Variants in CPS1 observed in about 807,000 individuals in gnomAD.
CPS1 encodes carbamoyl-phosphate synthase 1.
CPS1 carries 109 observed loss-of-function variants against 174.6 expected under a neutral mutation model. The observed-to-expected ratio is 0.62, with a 90% confidence interval of 0.53 to 0.73. CPS1 has a LOEUF of 0.73. CPS1 is among the 30% of genes least tolerant of loss of function. The probability of loss-of-function intolerance (pLI) is 0.00; values close to 1 mark genes in which losing one functional copy is unlikely to be tolerated. For missense variants in CPS1, 1,689 were observed against 1,821.9 expected (o/e 0.93, Z 1.33); for synonymous variants, 637 against 632.0 (o/e 1.01, Z -0.12).
At chr2:210,559,274 G>T (rs928187266) in intron 1 of CPS1, among the ~76,000 whole-genome samples, 1 of 152,018 alleles carries the variant, frequency 6.6e-6, no homozygotes, top group African/African-American at 2.4e-5. Context: ...AATGGATTGG[G>T]AAAGACACCC....
chr2:210,575,283 G>A (rs577397940), intron 2 of CPS1, among the ~76,000 whole-genome samples: 1 of 152,142 alleles, frequency 6.6e-6, no homozygotes, highest in South Asian at 2.1e-4. Context: ...CGTTGATTCT[G>A]TGCCCCTGAG....
At chr2:210,521,237 A>G (rs1695817393) in intron 1 of CPS1, among the ~76,000 whole-genome samples, 1 of 152,000 alleles carries the variant, frequency 6.6e-6, no homozygotes, top group Admixed American at 6.6e-5. Context: ...TCCTAGATTG[A>G]CAGATTTTTT....
chr2:210,647,698 A>G (rs1249213196), intron 25 of CPS1, among the ~76,000 whole-genome samples, 165 bp from the exon 26 acceptor site: 1 of 152,218 alleles, frequency 6.6e-6, no homozygotes, highest in African/African-American at 2.4e-5. Context: ...AGTGCCAGAA[A>G]GTAAAAATTT....
At chr2:210,654,665 T>G (rs1700654522) in intron 29 of CPS1, among the ~76,000 whole-genome samples, 1 of 152,212 alleles carries the variant, frequency 6.6e-6, no homozygotes, top group Admixed American at 6.5e-5. Context: ...TTACTTTAGT[T>G]TTATAGTTGT....
Position 210,608,411 on chromosome 2 carries a change from C to A in CPS1, c.2243C>A (p.Pro748Gln). ...AAKIALGIPL[P>Q]EIKNVVSGKT... Reference sequence around the variant, plus strand: ...AAGATTGCCCTAGGAATCCCACTTCCAGAAATTAAGAACGTCGTATCCGGG... The same window carrying A: ...AAGATTGCCCTAGGAATCCCACTTCAAGAAATTAAGAACGTCGTATCCGGG... The change falls in exon 19 of 38, where the codon CCA (proline) becomes CAA (glutamine). Residue 748 changes from proline to glutamine, a missense_variant. Pro to Gln is a moderately conservative substitution (Grantham distance 76). Coordinates refer to ENST00000233072, the MANE Select transcript of CPS1 (RefSeq NM_001875.5). 6.2e-7 allele frequency: 1 copy of A among 1,612,400 alleles called. No individual in the cohort carries two copies. Among genetic ancestry groups the A allele is most frequent in the Non-Finnish European group, 8.5e-7 (1 of 1,178,916 alleles).
At chr2:210,545,312 G>A (rs1255952514) in intron 1 of CPS1, among the ~76,000 whole-genome samples, 1 of 151,954 alleles carries the variant, frequency 6.6e-6, no homozygotes, top group Non-Finnish European at 1.5e-5. Context: ...GTGGTGAGCT[G>A]AGCAATTAAT....
At position 210,665,580 on chromosome 2, in the gene CPS1, G is replaced by T. The variant is rs1201564440; in HGVS notation, c.4002+2383G>T. ...TATGAGTGAGAACATGCGGTGTTTG[G>T]TTTTTTGTCCTTGCAATAGTTTACT... On this transcript the variant is annotated intron_variant, in intron 33 of 37. Coordinates refer to ENST00000233072, the MANE Select transcript of CPS1 (RefSeq NM_001875.5). Among the ~76,000 whole-genome samples the T allele has an allele frequency of 2.7e-5, 4 of 150,696 alleles. No homozygotes were observed. The South Asian group carries it at 8.4e-4, about 32-fold the overall frequency.
At chr2:210,664,780 A>T (rs1273443702) in intron 33 of CPS1, among the ~76,000 whole-genome samples, 1 of 152,162 alleles carries the variant, frequency 6.6e-6, no homozygotes, top group Admixed American at 6.5e-5. Context: ...TTTTTCTTCC[A>T]TTATTTGAAA....
chr2:210,658,512 A>T, intron 30 of CPS1, 87 bp from the exon 31 acceptor site: 3 of 975,386 alleles, frequency 3.1e-6, no homozygotes, highest in Non-Finnish European at 4.9e-6. Flanking sequence ...AAAGACATCC[A>T]AATTTAAGGT....
At chr2:210,669,505 T>G (rs1441573628) in intron 34 of CPS1, among the ~76,000 whole-genome samples, 2 of 152,186 alleles carry the variant, frequency 1.3e-5, no homozygotes, top group Non-Finnish European at 2.9e-5. Flanking sequence ...GTGATTATTT[T>G]AGATTCCATC....
At chr2:210,561,923 A>G (rs1006526261) in intron 1 of CPS1, among the ~76,000 whole-genome samples, 22 of 152,226 alleles carry the variant, frequency 1.4e-4, no homozygotes, top group Admixed American at 1.3e-3. Context: ...AAATGAATCA[A>G]TAGGGTTGCT....
At position 210,608,378 on chromosome 2, in the gene CPS1, T is replaced by C. The variant is rs1053953560; in HGVS notation, c.2210T>C (p.Ile737Thr). The change falls in exon 19 of 38, where the codon ATT (isoleucine) becomes ACT (threonine). Residue 737 changes from isoleucine to threonine, a missense_variant. Transcript: ENST00000233072. ...SKATGYPLAF[I>T]AAKIALGIPL... ...TTTTATAGCTACCCATTGGCATTCATTGCTGCAAAGATTGCCCTAGGAATC... is the reference window on the plus strand; with the variant it reads ...TTTTATAGCTACCCATTGGCATTCACTGCTGCAAAGATTGCCCTAGGAATC... 12 of 1,612,086 alleles carry C rather than the reference T, an allele frequency of 7.4e-6. No individual in the cohort carries two copies. Among genetic ancestry groups the C allele is most frequent in the Non-Finnish European group, 1.0e-5 (12 of 1,178,816 alleles).
At chr2:210,659,862 G>A (rs1342920585) in intron 31 of CPS1, among the ~76,000 whole-genome samples, 1 of 152,160 alleles carries the variant, frequency 6.6e-6, no homozygotes, top group Admixed American at 6.5e-5. Context: ...CCTATGCTTG[G>A]TTAGGGGTAG....
chr2:210,556,512 C>A, upstream of CPS1: 1 of 1,369,562 alleles, frequency 7.3e-7, no homozygotes, highest in Non-Finnish European at 9.9e-7. Flanking sequence ...GCCCATGGAA[C>A]ATCTCTGGAC....
chr2:210,600,368 A>G (rs1292590581), intron 14 of CPS1, among the ~76,000 whole-genome samples, 187 bp from the exon 15 acceptor site: 1 of 151,932 alleles, frequency 6.6e-6, no homozygotes, highest in Non-Finnish European at 1.5e-5. Context: ...AAGTAGCATC[A>G]GTAACATATT....
At chr2:210,541,958 A>G (rs577986650) in intron 1 of CPS1, among the ~76,000 whole-genome samples, 2 of 152,204 alleles carry the variant, frequency 1.3e-5, no homozygotes, top group Admixed American at 1.3e-4. Context: ...GGCCACATCT[A>G]GACCACTCTT....
intron 24 of CPS1, among the ~76,000 whole-genome samples, 187 bp from the exon 25 acceptor site, chr2:210,642,297 C>A (rs1700249844): frequency 6.6e-6 from 1 of 152,118 alleles, no homozygotes; most frequent in South Asian, 2.1e-4. Flanking sequence ...TTAATTAGTA[C>A]CCATTTTTCC....
At chr2:210,526,704 G>A (rs1019522136) in intron 1 of CPS1, among the ~76,000 whole-genome samples, 4 of 151,890 alleles carry the variant, frequency 2.6e-5, no homozygotes, top group African/African-American at 9.7e-5. Context: ...AGTGCTTGGT[G>A]GATACATTTG....
intron 37 of CPS1, 102 bp from the exon 38 acceptor site, chr2:210,677,785 C>T: frequency 1.1e-6 from 1 of 933,720 alleles, no homozygotes; most frequent in East Asian, 2.4e-5. Context: ...ATCCCATACC[C>T]CTTTGAAAAC....
Sources: allele counts gnomAD v4.1 joint callset (sites outside exome capture counted in the v4.1 genomes callset), GRCh38; gene constraint gnomAD v4.1.1; transcripts MANE v1.5; gene names NCBI Gene and HGNC (gene_info 2026-07-23, HGNC 2026-07-21).